The following GALNT13 variants were observed in gnomAD, a reference collection of about 807,000 sequenced individuals.
GALNT13 encodes the protein UDP-GalNAc:polypeptide N-acetylgalactosaminyltransferase 13.
Under a neutral mutation model 64.2 loss-of-function variants are expected in GALNT13, and 28 were observed. The observed-to-expected ratio is 0.44, with a 90% CI of 0.32 to 0.60. The LOEUF (loss-of-function observed/expected upper bound fraction) is 0.60, where lower values mean the gene tolerates loss of function less well. GALNT13 is among the 20% of genes least tolerant of loss of function. GALNT13 has a pLI of 0.05. For synonymous variants in GALNT13, 214 were observed against 224.6 expected, an observed-to-expected ratio of 0.95 and a Z score of 0.42; for missense variants, 577 against 669.8, an observed-to-expected ratio of 0.86 and a Z score of 1.53.
At chr2:153,409,334 ATATG>A in the GALNT13 span, among the ~76,000 whole-genome samples, 1 of 139,282 alleles carries the variant, frequency 7.2e-6, no homozygotes, top group Non-Finnish European at 1.6e-5. Context: ...ATTCATATGT[ATATG>A]TATATATTCA....
chr2:153,660,906 A>T, the GALNT13 span, among the ~76,000 whole-genome samples: 1 of 152,254 alleles, frequency 6.6e-6, no homozygotes, highest in South Asian at 2.1e-4. Context: ...TAGCAATGGG[A>T]TGGGACAGCA....
chr2:153,486,440 C>T, the GALNT13 span, among the ~76,000 whole-genome samples: 11 of 152,256 alleles, frequency 7.2e-5, no homozygotes, highest in Non-Finnish European at 1.5e-4. Context: ...TAAATACATT[C>T]CCTCAATCTC....
chr2:153,191,760 G>T, the GALNT13 span, among the ~76,000 whole-genome samples: 2 of 151,492 alleles, frequency 1.3e-5, no homozygotes, highest in South Asian at 2.1e-4. Context: ...GGTTGTTCCG[G>T]TTTTCTGTTT....
At chr2:153,513,545 T>C in the GALNT13 span, among the ~76,000 whole-genome samples, 1 of 152,230 alleles carries the variant, frequency 6.6e-6, no homozygotes, top group Non-Finnish European at 1.5e-5. Flanking sequence ...CCTCAGTTAG[T>C]TTGGTGCCTA....
Position 154,039,898 on chromosome 2 carries a change from A to T in GALNT13, c.142+95259A>T, listed in dbSNP as rs546528831. Reference sequence around the variant, plus strand: ...TGCTCCATATATATGTACAATTATTATGTGTCAACTAAAAACAAAAGAAAA... The same window carrying T: ...TGCTCCATATATATGTACAATTATTTTGTGTCAACTAAAAACAAAAGAAAA... On this transcript the variant is annotated intron_variant, in intron 3 of 12. Coordinates refer to ENST00000392825, the MANE Select transcript of GALNT13 (RefSeq NM_052917.4). Among the ~76,000 whole-genome samples, 30 of 140,414 alleles carry T rather than the reference A, an allele frequency of 2.1e-4. 4 individuals carry two copies. The South Asian group carries it at 6.9e-3, about 32-fold the overall frequency. 92.1% of individuals were successfully genotyped at this position (140,414 alleles called of 152,430 possible). A position where few individuals can be genotyped will look rare whatever the true frequency, so the allele number is the denominator to read the frequency against.
At chr2:153,507,269 C>T in the GALNT13 span, among the ~76,000 whole-genome samples, 1 of 151,680 alleles carries the variant, frequency 6.6e-6, no homozygotes, top group Non-Finnish European at 1.5e-5. Flanking sequence ...TGTTTTCCTT[C>T]TTTCTTTCCT....
the GALNT13 span, among the ~76,000 whole-genome samples, chr2:153,237,222 G>C: frequency 6.6e-6 from 1 of 151,940 alleles, no homozygotes; most frequent in Non-Finnish European, 1.5e-5. Flanking sequence ...TGGGTACATA[G>C]TAGCTATATA....
At chr2:153,183,218 C>G in the GALNT13 span, among the ~76,000 whole-genome samples, 2 of 152,314 alleles carry the variant, frequency 1.3e-5, 1 homozygote, top group East Asian at 3.9e-4. Flanking sequence ...TTGCATTTCT[C>G]TAATGATCCA....
chr2:153,575,816 G>A, the GALNT13 span, among the ~76,000 whole-genome samples: 9 of 152,200 alleles, frequency 5.9e-5, no homozygotes, highest in South Asian at 4.1e-4. Flanking sequence ...AATAGAGAAC[G>A]CCAAGAGCCT....
At chr2:153,360,314 T>C in the GALNT13 span, among the ~76,000 whole-genome samples, 1 of 152,144 alleles carries the variant, frequency 6.6e-6, no homozygotes, top group Non-Finnish European at 1.5e-5. Flanking sequence ...AGTGAGCCCA[T>C]ACTACTGGGG....
At chr2:153,674,867 C>T in the GALNT13 span, among the ~76,000 whole-genome samples, 1 of 151,490 alleles carries the variant, frequency 6.6e-6, no homozygotes, top group African/African-American at 2.4e-5. Flanking sequence ...AAAAACAACC[C>T]CATGAAAAAT....
chr2:153,868,177 G>C (rs1685797103), upstream of GALNT13, among the ~76,000 whole-genome samples: 1 of 152,104 alleles, frequency 6.6e-6, no homozygotes. Flanking sequence ...CCAGTTCCTA[G>C]TAAATAACTG....
chr2:153,670,617 A>T, the GALNT13 span, among the ~76,000 whole-genome samples: 1 of 152,240 alleles, frequency 6.6e-6, no homozygotes, highest in Non-Finnish European at 1.5e-5. Flanking sequence ...AAAGGCTGAA[A>T]ATTCTAAAAA....
At chr2:154,156,721 G>T (rs1684444431) in intron 4 of GALNT13, among the ~76,000 whole-genome samples, 2 of 152,022 alleles carry the variant, frequency 1.3e-5, no homozygotes, top group Admixed American at 1.3e-4. Context: ...ATATAAAAGG[G>T]GAAAAGACAA....
intron 3 of GALNT13, among the ~76,000 whole-genome samples, chr2:154,061,457 T>G (rs563325170): frequency 1.4e-4 from 22 of 152,274 alleles, no homozygotes; most frequent in African/African-American, 5.3e-4. Context: ...AAATTATAAT[T>G]TTATTCAGAT....
At chr2:153,152,000 A>G in the GALNT13 span, among the ~76,000 whole-genome samples, 1 of 151,954 alleles carries the variant, frequency 6.6e-6, no homozygotes, top group Non-Finnish European at 1.5e-5. Context: ...AAATTTACCT[A>G]TAAAATGTTG....
the GALNT13 span, among the ~76,000 whole-genome samples, chr2:153,369,266 A>C: frequency 1.3e-5 from 2 of 152,114 alleles, no homozygotes; most frequent in Non-Finnish European, 2.9e-5. Flanking sequence ...TAATAAAAAG[A>C]GCTGACTAAA....
chr2:153,998,102 A>G (rs1695645870), intron 3 of GALNT13, among the ~76,000 whole-genome samples: 3 of 152,044 alleles, frequency 2.0e-5, no homozygotes, highest in African/African-American at 2.4e-5. Context: ...CTCAATAAAC[A>G]TATGTGTGCA....
At chr2:154,361,093 C>T (rs990666445) in intron 9 of GALNT13, among the ~76,000 whole-genome samples, 1 of 151,990 alleles carries the variant, frequency 6.6e-6, no homozygotes, top group Non-Finnish European at 1.5e-5. Context: ...AGCCTAATTT[C>T]TCTACATATT....
Sources: allele counts gnomAD v4.1 joint callset (sites outside exome capture counted in the v4.1 genomes callset), GRCh38; gene constraint gnomAD v4.1.1; transcripts MANE v1.5; gene names NCBI Gene and HGNC (gene_info 2026-07-23, HGNC 2026-07-21).